Variants in MAD1L1 observed in about 807,000 individuals in gnomAD.
MAD1L1 encodes the protein mitotic spindle assembly checkpoint protein MAD1.
Under a neutral mutation model 96.9 loss-of-function variants are expected in MAD1L1, and 95 were observed. That is an observed-to-expected ratio of 0.98 (90% CI 0.83 to 1.16). The LOEUF (loss-of-function observed/expected upper bound fraction) is 1.16. Ranked by LOEUF, MAD1L1 falls within the 50% of genes most tolerant of loss-of-function variation. The pLI, the probability that MAD1L1 is intolerant of heterozygous loss-of-function variation, is 0.00. For missense variants in MAD1L1, 1,007 were observed against 954.4 expected, an observed-to-expected ratio of 1.06 and a Z score of -0.73; for synonymous variants, 473 against 396.6, an observed-to-expected ratio of 1.19 and a Z score of -2.29.
At chr7:1,819,016 G>C (rs1433511420) in intron 18 of MAD1L1, among the ~76,000 whole-genome samples, 2 of 152,014 alleles carry the variant, frequency 1.3e-5, no homozygotes, top group African/African-American at 4.8e-5. Flanking sequence ...TTCCCCCAGC[G>C]TACCCAGCCA....
At chr7:2,079,865 G>T (rs191152361) in intron 11 of MAD1L1, 105 of 406,556 alleles carry the variant, frequency 2.6e-4, no homozygotes, top group African/African-American at 2.1e-3. Flanking sequence ...CTAAACAACC[G>T]CCCCATGCCC....
chr7:2,112,081 G>A (rs575946098), intron 11 of MAD1L1, among the ~76,000 whole-genome samples: 2 of 152,116 alleles, frequency 1.3e-5, no homozygotes, highest in Non-Finnish European at 2.9e-5. Flanking sequence ...GAAAAGCAGC[G>A]CTGCGATTCA....
intron 1 of MAD1L1, among the ~76,000 whole-genome samples, 200 bp downstream of exon 1, chr7:2,232,672 G>A (rs1048859629): frequency 6.6e-6 from 1 of 152,292 alleles, no homozygotes; most frequent in Admixed American, 6.5e-5. Flanking sequence ...ACAGGGGAGT[G>A]GGGAGAGGAG....
chr7:1,981,440 T>C (rs1401498972), intron 14 of MAD1L1, among the ~76,000 whole-genome samples: 1 of 152,012 alleles, frequency 6.6e-6, no homozygotes, highest in African/African-American at 2.4e-5. Flanking sequence ...AGGCACCAGC[T>C]CCAGGGCCCG....
At chr7:2,000,904 G>A (rs998791232) in intron 14 of MAD1L1, among the ~76,000 whole-genome samples, 16 of 152,172 alleles carry the variant, frequency 1.1e-4, no homozygotes, top group African/African-American at 3.9e-4. Flanking sequence ...TTCTTCCAGG[G>A]TCTGCAGACA....
intron 15 of MAD1L1, among the ~76,000 whole-genome samples, chr7:1,962,383 G>A (rs923005763): frequency 6.6e-6 from 1 of 152,126 alleles, no homozygotes; most frequent in Non-Finnish European, 1.5e-5. Context: ...TACTCAGTCC[G>A]GGTATGTCTT....
intron 10 of MAD1L1, among the ~76,000 whole-genome samples, chr7:2,168,758 G>A (rs1790562256): frequency 6.6e-6 from 1 of 152,278 alleles, no homozygotes; most frequent in Non-Finnish European, 1.5e-5. Flanking sequence ...GAACACCAAG[G>A]AGCTCTGGGA....
At chr7:1,951,450 T>G (rs959835186) in intron 16 of MAD1L1, among the ~76,000 whole-genome samples, 2 of 152,198 alleles carry the variant, frequency 1.3e-5, no homozygotes, top group Non-Finnish European at 2.9e-5. Context: ...GACAGGAAGC[T>G]GACCGCCATA....
chr7:1,975,263 C>A (rs907061711), intron 15 of MAD1L1, among the ~76,000 whole-genome samples: 2 of 152,218 alleles, frequency 1.3e-5, no homozygotes, highest in Non-Finnish European at 2.9e-5. Context: ...CATCACCAGG[C>A]CCCCTCGGGG....
chr7:2,182,578 T>C (rs965076604), intron 10 of MAD1L1, among the ~76,000 whole-genome samples: 1 of 152,180 alleles, frequency 6.6e-6, no homozygotes, highest in Non-Finnish European at 1.5e-5. Flanking sequence ...AGCTGATGAA[T>C]GGGTCACTGA....
intron 11 of MAD1L1, among the ~76,000 whole-genome samples, chr7:2,100,138 G>C (rs777762662): frequency 2.6e-5 from 4 of 152,226 alleles, no homozygotes; most frequent in African/African-American, 4.8e-5. Context: ...ATTGAGGTTT[G>C]AGAGACAGGT....
intron 18 of MAD1L1, among the ~76,000 whole-genome samples, chr7:1,864,778 G>A (rs1369859755): frequency 3.3e-5 from 5 of 152,126 alleles, no homozygotes; most frequent in African/African-American, 4.8e-5. Context: ...ACTGTTGGGA[G>A]AGCCTGGTGC....
chr7:2,092,199 A>G (rs1027628379), intron 11 of MAD1L1, among the ~76,000 whole-genome samples: 7 of 152,188 alleles, frequency 4.6e-5, no homozygotes, highest in African/African-American at 1.7e-4. Context: ...GTGTGTGGCC[A>G]TGTCTCATGG....
chr7:1,995,204 T>C (rs1781502316), intron 14 of MAD1L1, among the ~76,000 whole-genome samples: 1 of 151,998 alleles, frequency 6.6e-6, no homozygotes, highest in Non-Finnish European at 1.5e-5. Flanking sequence ...TTCCACTCTG[T>C]GGAGAAGCCT....
At position 2,224,043 on chromosome 7, in the gene MAD1L1, G is replaced by A. The variant is rs561831818; in HGVS notation, c.292-1289C>T. Among the ~76,000 whole-genome samples the A allele has an allele frequency of 3.9e-5, 6 of 152,206 alleles. No homozygotes were observed. In the East Asian group the frequency reaches 5.8e-4, roughly 15 times the overall value. On this transcript the variant is annotated intron_variant, in intron 4 of 18. Coordinates refer to ENST00000265854, the MANE Select transcript of MAD1L1 (RefSeq NM_001013836.2). ...TGGATTTCCCCAAGACAGGGTTCCC[G>A]GAGACCCTACAATGACCCCTCCCTC...
chr7:2,097,551 G>C (rs1786556302), intron 11 of MAD1L1, among the ~76,000 whole-genome samples: 1 of 152,216 alleles, frequency 6.6e-6, no homozygotes, highest in Non-Finnish European at 1.5e-5. Flanking sequence ...CTGGGAGCCA[G>C]GCAGTGAATG....
At chr7:2,164,797 AACAG>A (rs1353156801) in intron 10 of MAD1L1, among the ~76,000 whole-genome samples, 3 of 152,224 alleles carry the variant, frequency 2.0e-5, no homozygotes, top group South Asian at 4.1e-4. Context: ...TACATGGACA[AACAG>A]ACAGAGTCCT....
Position 2,215,887 on chromosome 7 carries a change from C to T in MAD1L1, c.922G>A (p.Glu308Lys), listed in dbSNP as rs774026604. 17 of 1,614,024 alleles carry T rather than the reference C, an allele frequency of 1.1e-5. No individual in the cohort carries two copies. The highest frequency in any genetic ancestry group is 1.6e-4 in the Middle Eastern group (1 of 6,084). ...CCGCACACCACACAGGCCCTCACCT[C>T]GTTCTCCAGCTCCAAGCCAACCAGC... ...ETLVGLELEN[E>K]RLLAKLQSWE... Residue 308 changes from glutamate (E) to lysine (K), a missense_variant and splice_region_variant, in exon 9 of 19, where the codon GAG becomes AAG. By Grantham distance (56) the Glu-to-Lys change is moderately conservative (BLOSUM62 1). Transcript: ENST00000265854.
At chr7:1,830,087 T>C (rs986392661) in intron 18 of MAD1L1, among the ~76,000 whole-genome samples, 3 of 151,996 alleles carry the variant, frequency 2.0e-5, no homozygotes, top group Admixed American at 6.5e-5. Context: ...AGAAGGAAAA[T>C]GAGGATGCAA....
Sources: allele counts gnomAD v4.1 joint callset (sites outside exome capture counted in the v4.1 genomes callset), GRCh38; gene constraint gnomAD v4.1.1; transcripts MANE v1.5; gene names NCBI Gene and HGNC (gene_info 2026-07-23, HGNC 2026-07-21).